The following PKN2 variants were observed in gnomAD, a reference collection of about 807,000 sequenced individuals.
PKN2 encodes protein kinase N2.
PKN2 carries 38 observed loss-of-function variants against 119.1 expected under a neutral mutation model. That is an observed-to-expected ratio of 0.32 (90% CI 0.25 to 0.42). The LOEUF is 0.42. PKN2 is among the 10% of genes least tolerant of loss of function. The probability of loss-of-function intolerance (pLI) is 1.00; values close to 1 mark genes in which losing one functional copy is unlikely to be tolerated. For missense variants in PKN2, 850 were observed against 1,165.1 expected (o/e 0.73, Z 3.94); for synonymous variants, 390 against 384.9 (o/e 1.01, Z -0.15).
At chr1:88,715,304 C>T (rs1011182447) in intron 1 of PKN2, among the ~76,000 whole-genome samples, 1 of 152,126 alleles carries the variant, frequency 6.6e-6, no homozygotes, top group African/African-American at 2.4e-5. Flanking sequence ...GGAGGGTTCC[C>T]TCTTTTTCTA....
intron 19 of PKN2, among the ~76,000 whole-genome samples, chr1:88,831,613 T>TAA (rs1672736657): frequency 6.6e-6 from 1 of 152,044 alleles, no homozygotes; most frequent in Non-Finnish European, 1.5e-5. Flanking sequence ...AGCTCAGCCT[T>TAA]AAGAAGTTGG....
chr1:88,706,732 G>C (rs1452438347), intron 1 of PKN2, among the ~76,000 whole-genome samples: 2 of 152,038 alleles, frequency 1.3e-5, no homozygotes, highest in African/African-American at 4.8e-5. Flanking sequence ...GACAATAATG[G>C]TTTTCCTTCT....
chr1:88,809,806 G>A (rs558195310), intron 15 of PKN2, among the ~76,000 whole-genome samples: 2 of 152,210 alleles, frequency 1.3e-5, no homozygotes, highest in East Asian at 1.9e-4. Context: ...ATAGTGTCAG[G>A]GTCTTGGTAT....
intron 12 of PKN2, chr1:88,806,258 GATTCTCCTGCAAGCC>G: frequency 2.3e-6 from 1 of 431,680 alleles, no homozygotes; most frequent in East Asian, 4.8e-5. Flanking sequence ...GGATTCAAGC[GATTCTCCTGCAAGCC>G]ATTCTCCTAT....
intron 6 of PKN2, among the ~76,000 whole-genome samples, chr1:88,778,098 G>C (rs990496307): frequency 3.3e-5 from 5 of 152,050 alleles, no homozygotes; most frequent in Non-Finnish European, 7.4e-5. Flanking sequence ...ATCTTTTCTG[G>C]ACCCAACTAA....
At chr1:88,796,510 A>G (rs1199608163) in intron 8 of PKN2, among the ~76,000 whole-genome samples, 1 of 152,210 alleles carries the variant, frequency 6.6e-6, no homozygotes, top group African/African-American at 2.4e-5. Flanking sequence ...CTTTAACTAT[A>G]TGAAACTGTT....
chr1:88,696,681 A>G (rs1399772038), intron 1 of PKN2, among the ~76,000 whole-genome samples: 11 of 152,156 alleles, frequency 7.2e-5, no homozygotes, highest in Admixed American at 7.2e-4. Flanking sequence ...GAGATTCTCT[A>G]GTATCAATAT....
intron 3 of PKN2, among the ~76,000 whole-genome samples, chr1:88,766,285 G>GTTAC (rs1669666651): frequency 6.6e-6 from 1 of 151,986 alleles, no homozygotes; most frequent in South Asian, 2.1e-4. Flanking sequence ...CTTCCTATAT[G>GTTAC]TTACTTTAAC....
chr1:88,828,021 G>A (rs948466969), intron 18 of PKN2, among the ~76,000 whole-genome samples: 7 of 152,080 alleles, frequency 4.6e-5, no homozygotes, highest in East Asian at 1.9e-4. Flanking sequence ...CACTGCACAC[G>A]GCCCTATCTC....
intron 1 of PKN2, among the ~76,000 whole-genome samples, chr1:88,717,332 G>A (rs1179172662): frequency 2.6e-5 from 4 of 152,070 alleles, no homozygotes; most frequent in South Asian, 2.1e-4. Context: ...CTGAATTTGA[G>A]TGTTGGCCTG....
chr1:88,792,275 A>T (rs1670872891), intron 8 of PKN2, among the ~76,000 whole-genome samples: 1 of 152,146 alleles, frequency 6.6e-6, no homozygotes, highest in African/African-American at 2.4e-5. Context: ...ATAGTGGCGC[A>T]TGCCTGTAAC....
chr1:88,813,900 A>C (rs1162978000), intron 16 of PKN2, among the ~76,000 whole-genome samples, 167 bp downstream of exon 16: 1 of 152,170 alleles, frequency 6.6e-6, no homozygotes, highest in Non-Finnish European at 1.5e-5. Context: ...TTTTGTATGT[A>C]TTCTGTTGTC....
intron 8 of PKN2, among the ~76,000 whole-genome samples, chr1:88,796,060 G>A (rs534581429): frequency 1.4e-4 from 21 of 152,146 alleles, no homozygotes; most frequent in Non-Finnish European, 2.5e-4. Flanking sequence ...GCATGCATAC[G>A]CAAGGCAGTT....
At chr1:88,805,366 A>G in intron 10 of PKN2, 131 bp from the exon 11 acceptor site, 2 of 700,862 alleles carry the variant, frequency 2.9e-6, no homozygotes, top group Non-Finnish European at 4.6e-6. Flanking sequence ...GTAAAAAACT[A>G]GTTTTTTTAA....
At chr1:88,827,478 C>T (rs1194723489) in intron 18 of PKN2, among the ~76,000 whole-genome samples, 8 of 151,742 alleles carry the variant, frequency 5.3e-5, no homozygotes, top group Non-Finnish European at 1.5e-5. Flanking sequence ...TAATTTTGTG[C>T]ATGAAACTAA....
At chr1:88,743,082 C>G (rs941808768) in intron 2 of PKN2, among the ~76,000 whole-genome samples, 4 of 151,918 alleles carry the variant, frequency 2.6e-5, no homozygotes, top group Admixed American at 6.6e-5. Context: ...TCCAGCTACT[C>G]GGAAGGCTGA....
chr1:88,747,412 G>A (rs921331126), intron 2 of PKN2, among the ~76,000 whole-genome samples: 4 of 152,078 alleles, frequency 2.6e-5, no homozygotes, highest in Non-Finnish European at 4.4e-5. Context: ...GTTTAATGGG[G>A]TACTGTTGTC....
chr1:88,716,186 A>G (rs111279101), intron 1 of PKN2, among the ~76,000 whole-genome samples: 7 of 152,218 alleles, frequency 4.6e-5, no homozygotes, highest in African/African-American at 1.4e-4. Context: ...TTTCTTTTAC[A>G]TTTGCTGAGG....
At chr1:88,726,494 T>C (rs531424851) in intron 1 of PKN2, among the ~76,000 whole-genome samples, 4 of 152,326 alleles carry the variant, frequency 2.6e-5, no homozygotes, top group African/African-American at 9.6e-5. Flanking sequence ...TTTTGCATAT[T>C]GAACCAGTCC....
Sources: gnomAD v4.1 joint callset for allele counts (sites outside exome capture counted in the v4.1 genomes callset) on GRCh38, gnomAD v4.1.1 for gene constraint, MANE v1.5 for transcripts, NCBI Gene and HGNC (gene_info 2026-07-23, HGNC 2026-07-21) for gene names.